The following FRYL variants were observed in gnomAD, a reference collection of about 807,000 sequenced individuals.
FRYL encodes the protein FRY like transcription coactivator.
In FRYL, 150 loss-of-function variants were observed where a neutral mutation model predicts 351.2. That is an observed-to-expected ratio of 0.43 (90% CI 0.37 to 0.49). The LOEUF (loss-of-function observed/expected upper bound fraction) is 0.49, where lower values mean the gene tolerates loss of function less well. Among genes scored for constraint, FRYL ranks in the 20% least tolerant of loss-of-function variants. The pLI is 0.00. For synonymous variants in FRYL, 1,153 were observed against 1,257.1 expected (o/e 0.92, Z 1.75); for missense variants, 3,036 against 3,619.3 (o/e 0.84, Z 4.13).
At chr4:48,729,445 C>T (rs1002813237) in intron 1 of FRYL, among the ~76,000 whole-genome samples, 5 of 152,250 alleles carry the variant, frequency 3.3e-5, no homozygotes, top group African/African-American at 1.2e-4. Context: ...AAATGGGTCT[C>T]TGACCCCTGT....
chr4:48,693,163 T>A (rs544630703), intron 2 of FRYL, among the ~76,000 whole-genome samples: 1 of 152,234 alleles, frequency 6.6e-6, no homozygotes, highest in East Asian at 1.9e-4. Flanking sequence ...CTTGGTACAA[T>A]TGCTTGTCGG....
chr4:48,709,886 T>C (rs897619578), intron 2 of FRYL, among the ~76,000 whole-genome samples: 6 of 152,260 alleles, frequency 3.9e-5, no homozygotes, highest in Non-Finnish European at 5.9e-5. Context: ...TTATATATTT[T>C]CATTCTTAAA....
rs909916073 is a variant in FRYL, at chr4:48,594,090, A to G, written c.1249-74T>C. On this transcript the variant is annotated intron_variant, in intron 15 of 63. Transcript: ENST00000358350. Reference sequence around the variant, plus strand: ...ATGCTAAGAATTATAAATATAATATACAATGACAACAAGACAGGTTTGTGC... The same window carrying G: ...ATGCTAAGAATTATAAATATAATATGCAATGACAACAAGACAGGTTTGTGC... 4 of 796,760 alleles carry G rather than the reference A, an allele frequency of 5.0e-6. No individual in the cohort carries two copies. In the African/African-American group the frequency reaches 5.5e-5, roughly 11 times the overall value. The allele number at this position is 796,760 out of a possible 1,614,324, so 49.4% of individuals were successfully genotyped here.
intron 3 of FRYL, among the ~76,000 whole-genome samples, chr4:48,681,605 T>C (rs1280305125): frequency 6.6e-6 from 1 of 152,170 alleles, no homozygotes; most frequent in African/African-American, 2.4e-5. Context: ...CTCAGGAATG[T>C]CAACTTTTAT....
At chr4:48,589,633 T>C (rs17656255) in intron 18 of FRYL, 112 bp downstream of exon 18, 29,845 of 981,288 alleles carry the variant, frequency 0.03, 510 homozygotes, top group Admixed American at 0.055. Context: ...CTGCAGCAGA[T>C]AGAAACATGG....
At position 48,553,256 on chromosome 4, in the gene FRYL, T is replaced by C. The variant is rs912318690; in HGVS notation, c.4394A>G (p.Tyr1465Cys). Residue 1465 changes from tyrosine to cysteine, a missense_variant, in exon 36 of 64, where the codon TAT becomes TGT. Physicochemically the swap from Tyr to Cys is radical, Grantham distance 194. Transcript: ENST00000358350. Reference sequence around the variant, plus strand: ...GATTTTATAGCTGGAAGTGATGCGATAATACGGGGGATTATCCATGTGAGT... The same window carrying C: ...GATTTTATAGCTGGAAGTGATGCGACAATACGGGGGATTATCCATGTGAGT... ...GVTHMDNPPY[Y>C]RITSSYKIPS... 2.5e-6 allele frequency: 4 copies of C among 1,613,478 alleles called. No homozygotes were observed. The African/African-American group carries it at 5.3e-5, about 22-fold the overall frequency.
chr4:48,526,086 G>A (rs6819159), intron 53 of FRYL, among the ~76,000 whole-genome samples: 76,150 of 151,512 alleles, frequency 0.5, 19,473 homozygotes, highest in South Asian at 0.61. Context: ...AGCTGTATAT[G>A]AGTTGTATAT....
At chr4:48,571,579 G>T (rs574790219) in intron 26 of FRYL, 2 of 840,072 alleles carry the variant, frequency 2.4e-6, no homozygotes, top group Non-Finnish European at 1.4e-6. Context: ...ATATTACAGA[G>T]CAAATTAAAA....
chr4:48,656,207 T>C (rs1269916503), intron 3 of FRYL, among the ~76,000 whole-genome samples: 2 of 134,192 alleles, frequency 1.5e-5, no homozygotes, highest in Non-Finnish European at 3.1e-5. Flanking sequence ...ATATACATGA[T>C]TATTCATTAT....
chr4:48,564,202 G>A, intron 30 of FRYL, 100 bp from the exon 31 acceptor site: 1 of 1,203,134 alleles, frequency 8.3e-7, no homozygotes, highest in Non-Finnish European at 1.1e-6. Flanking sequence ...TATATTCATT[G>A]TAATTAATAG....
At chr4:48,559,944 G>T (rs1218942018) in intron 33 of FRYL, among the ~76,000 whole-genome samples, 3 of 152,146 alleles carry the variant, frequency 2.0e-5, no homozygotes, top group Non-Finnish European at 4.4e-5. Context: ...TGAGCACTTG[G>T]AAGGTACCTG....
At chr4:48,750,504 T>A (rs1773142639) in intron 1 of FRYL, among the ~76,000 whole-genome samples, 1 of 151,806 alleles carries the variant, frequency 6.6e-6, no homozygotes, top group Non-Finnish European at 1.5e-5. Context: ...AAAATAAAAG[T>A]CTCTGGGTAG....
chr4:48,692,674 TG>T (rs1283875356), intron 2 of FRYL, among the ~76,000 whole-genome samples: 1 of 152,254 alleles, frequency 6.6e-6, no homozygotes, highest in East Asian at 1.9e-4. Context: ...AGTACACTAC[TG>T]CACCCGGCCT....
Position 48,547,605 on chromosome 4 carries a change from G to C in FRYL, c.5053C>G (p.His1685Asp). 5 of 1,570,540 alleles carry C rather than the reference G, an allele frequency of 3.2e-6. No homozygotes were observed. Among genetic ancestry groups the C allele is most frequent in the Non-Finnish European group, 4.3e-6 (5 of 1,151,764 alleles). The change falls in exon 41 of 64, where the codon CAC (histidine) becomes GAC (aspartate). Residue 1685 changes from histidine (H) to aspartate (D), a missense_variant. Coordinates refer to ENST00000358350, the MANE Select transcript of FRYL (RefSeq NM_015030.2). Reference sequence around the variant, plus strand: ...ATACCTGTGAAATTATAATCTAAGTGTGCAACTTGTTTGACTGTAAGCACC... The same window carrying C: ...ATACCTGTGAAATTATAATCTAAGTCTGCAACTTGTTTGACTGTAAGCACC... ...PRVLTVKQVA[H>D]LDYNFTAGIN... is the part of the protein sequence containing the mutation.
rs1235893143 is a variant in FRYL, at chr4:48,568,588, A to C, written c.2997-1168T>G. On this transcript the variant is annotated intron_variant, in intron 27 of 63. Transcript: ENST00000358350. Reference sequence around the variant, plus strand: ...TTTTAAAGGTAATTTTTTTTTTACTAGTTATGAGTAACTTCGGAATAAATA... The same window carrying C: ...TTTTAAAGGTAATTTTTTTTTTACTCGTTATGAGTAACTTCGGAATAAATA... Among the ~76,000 whole-genome samples, 6 of 152,020 alleles carry C rather than the reference A, an allele frequency of 3.9e-5. No individual in the cohort carries two copies. The East Asian group carries it at 1.2e-3, about 29-fold the overall frequency.
At chr4:48,749,830 G>A (rs1373752311) in intron 1 of FRYL, among the ~76,000 whole-genome samples, 1 of 152,066 alleles carries the variant, frequency 6.6e-6, no homozygotes, top group Admixed American at 6.6e-5. Context: ...CTGTCTAGTT[G>A]AGCCCTAAGA....
chr4:48,630,485 T>C (rs1208501086), intron 4 of FRYL, among the ~76,000 whole-genome samples: 1 of 152,178 alleles, frequency 6.6e-6, no homozygotes, highest in Non-Finnish European at 1.5e-5. Flanking sequence ...TTTTCTTCTA[T>C]CTTCTTTTCT....
chr4:48,555,140 T>A (rs982638161), intron 35 of FRYL, among the ~76,000 whole-genome samples: 6 of 152,336 alleles, frequency 3.9e-5, no homozygotes, highest in African/African-American at 1.4e-4. Context: ...AAAAAATGGC[T>A]CCTTTTAAAT....
At chr4:48,627,153 C>T (rs1752000389) in intron 4 of FRYL, among the ~76,000 whole-genome samples, 1 of 152,058 alleles carries the variant, frequency 6.6e-6, no homozygotes, top group African/African-American at 2.4e-5. Context: ...CTGTAGAACA[C>T]TGTTTCTAAA....
Sources: gnomAD v4.1 joint callset for allele counts (sites outside exome capture counted in the v4.1 genomes callset) on GRCh38, gnomAD v4.1.1 for gene constraint, MANE v1.5 for transcripts, NCBI Gene and HGNC (gene_info 2026-07-23, HGNC 2026-07-21) for gene names.